The following ITGA4 variants were observed in gnomAD, a reference collection of about 807,000 sequenced individuals.
ITGA4 encodes integrin alpha-4.
A neutral mutation model predicts 133.6 loss-of-function variants in ITGA4; 63 were observed. The observed-to-expected ratio is 0.47, with a 90% CI of 0.38 to 0.58. The LOEUF (loss-of-function observed/expected upper bound fraction) is 0.58. Among genes scored for constraint, ITGA4 ranks in the 20% least tolerant of loss-of-function variants. ITGA4 has a pLI of 0.00. For synonymous variants in ITGA4, 483 were observed against 438.0 expected, an observed-to-expected ratio of 1.10 and a Z score of -1.28; for missense variants, 1,076 against 1,252.7, an observed-to-expected ratio of 0.86 and a Z score of 2.13.
chr2:181,498,140 A>G (rs1006094481), intron 14 of ITGA4: 1 of 149,494 alleles, frequency 6.7e-6, no homozygotes, highest in African/African-American at 2.4e-5. Context: ...CTTCATGTAT[A>G]AAAAAAAGCC....
At chr2:181,510,289 T>C (rs969875232) in intron 16 of ITGA4, among the ~76,000 whole-genome samples, 3 of 152,144 alleles carry the variant, frequency 2.0e-5, no homozygotes, top group Admixed American at 6.6e-5. Context: ...AATAATTTCT[T>C]TTTAAAAATT....
rs758311169 is a variant in ITGA4 at position 181,523,389 on chromosome 2, T to A, written c.2074-48T>A. ...CCATCCTTAAACATATGTTACAAACTTTTTATTTCCTTCCTGTCCAAAACA... is the reference window on the plus strand; with the variant it reads ...CCATCCTTAAACATATGTTACAAACATTTTATTTCCTTCCTGTCCAAAACA... On this transcript the variant is annotated intron_variant, in intron 18 of 27. Transcript: ENST00000397033. The surrounding 1 kb of genome is among the most constrained non-coding windows in gnomAD (Gnocchi z 4.2). 2.6e-6 allele frequency: 3 copies of A among 1,143,596 alleles called. No homozygotes were observed. The highest frequency in any genetic ancestry group is 3.5e-5 in the Admixed American group (2 of 57,924). 70.8% of individuals were successfully genotyped at this position (1,143,596 alleles called of 1,614,324 possible).
intron 25 of ITGA4, among the ~76,000 whole-genome samples, chr2:181,533,233 T>C (rs977758509): frequency 3.3e-5 from 5 of 152,144 alleles, no homozygotes; most frequent in Non-Finnish European, 7.4e-5. Context: ...TCATGGAACA[T>C]AGGAAGCCAA....
chr2:181,480,906 T>C (rs1008145166), intron 6 of ITGA4, among the ~76,000 whole-genome samples: 1 of 152,186 alleles, frequency 6.6e-6, no homozygotes, highest in African/African-American at 2.4e-5. Flanking sequence ...CAAACTTTTC[T>C]GGCATTAATG....
Position 181,502,977 on chromosome 2 carries a change from G to A in ITGA4, c.1695+4200G>A, listed in dbSNP as rs138594335. ...AGTTGTGAAGTTGAAGCAGGCTAAG[G>A]AGGGGAGGGGGCACACCAAGACGGT... On this transcript the variant is annotated intron_variant, in intron 15 of 27. Coordinates refer to ENST00000397033, the MANE Select transcript of ITGA4 (RefSeq NM_000885.6). Among the ~76,000 whole-genome samples the A allele has an allele frequency of 8.9e-3, 1,351 of 152,138 alleles. 11 individuals are homozygous for A. Among genetic ancestry groups the A allele is most frequent in the South Asian group, 0.018 (88 of 4,820 alleles).
chr2:181,458,485 T>A, intron 2 of ITGA4, 168 bp downstream of exon 2: 1 of 708,650 alleles, frequency 1.4e-6, no homozygotes, highest in Admixed American at 2.7e-5. Context: ...ATAAAAGGGA[T>A]TCCCTTTCTG....
At chr2:181,494,577 G>T in intron 11 of ITGA4, 145 bp from the exon 12 acceptor site, 1 of 611,580 alleles carries the variant, frequency 1.6e-6, no homozygotes, top group Non-Finnish European at 2.9e-6. Context: ...GTCACCCTTA[G>T]AAGTATTTGA....
intron 10 of ITGA4, among the ~76,000 whole-genome samples, chr2:181,489,374 A>G (rs1001377146): frequency 7.0e-5 from 4 of 57,338 alleles, no homozygotes; most frequent in Admixed American, 4.6e-4. Flanking sequence ...ATTTAGTGTA[A>G]AACTCATCAA....
intron 7 of ITGA4, 73 bp from the exon 8 acceptor site, chr2:181,482,287 A>G: frequency 7.2e-7 from 1 of 1,396,724 alleles, no homozygotes; most frequent in East Asian, 2.4e-5. Context: ...TCATGTTTTG[A>G]TCAAACAGAA....
chr2:181,480,279 T>A lies in ITGA4; in HGVS notation c.754+13T>A. 1.5e-6 allele frequency: 2 copies of A among 1,344,832 alleles called. No homozygotes were observed. The highest frequency in any genetic ancestry group is 2.0e-6 in the Non-Finnish European group (2 of 994,046). The allele number at this position is 1,344,832 out of a possible 1,614,324, so 83.3% of individuals were successfully genotyped here. ...GGAAGTTATTTAGGTACTATAAAAA[T>A]TGACAAACTTAAATGATCTGTGCCT... On this transcript the variant is annotated intron_variant, in intron 6 of 27. Transcript: ENST00000397033.
intron 2 of ITGA4, chr2:181,459,402 A>T (rs1685212092): frequency 6.6e-6 from 1 of 152,172 alleles, no homozygotes; most frequent in African/African-American, 2.4e-5. Flanking sequence ...CTTTGCTATA[A>T]ATGGACTTTT....
rs757949168 is a variant in ITGA4, at chr2:181,509,742, G to C, written c.1780G>C (p.Glu594Gln). The change falls in exon 16 of 28, where the codon GAG becomes CAG. Residue 594 changes from glutamate to glutamine, a missense_variant. By Grantham distance (29) the Glu-to-Gln change is conservative (BLOSUM62 2). This residue lies in a region of ITGA4 where 365 missense variants were observed against 421.4 expected (regional missense o/e 0.87). Coordinates refer to ENST00000397033, the MANE Select transcript of ITGA4 (RefSeq NM_000885.6). ...TCATGTCATCAGTAAACGAAGTACA[G>C]AGGAATTCCCACCACTTCAGCCAAT... is the stretch of plus-strand genomic sequence containing the variant. ...GPHVISKRST[E>Q]EFPPLQPILQ... is the part of the protein sequence containing the mutation. The C allele has an allele frequency of 9.4e-5, 151 of 1,611,696 alleles. No homozygotes were observed. Among genetic ancestry groups the C allele is most frequent in the Non-Finnish European group, 2.5e-6 (3 of 1,178,650 alleles).
chr2:181,494,500 C>T (rs940728518), intron 11 of ITGA4, among the ~76,000 whole-genome samples: 2 of 152,164 alleles, frequency 1.3e-5, no homozygotes. Context: ...ATAATTTTCC[C>T]TTTGCTCGCA....
At chr2:181,494,686 A>C in intron 11 of ITGA4, 36 bp from the exon 12 acceptor site, 1 of 1,133,628 alleles carries the variant, frequency 8.8e-7, no homozygotes, top group Middle Eastern at 2.0e-4. Context: ...ATTAGTATTC[A>C]AAAACTACTT....
intron 11 of ITGA4, among the ~76,000 whole-genome samples, chr2:181,494,141 A>G (rs1686112663): frequency 6.6e-6 from 1 of 152,232 alleles, no homozygotes; most frequent in Non-Finnish European, 1.5e-5. Flanking sequence ...TGAACATGAA[A>G]TTAGATATGT....
At chr2:181,507,652 T>C (rs1045819346) in intron 15 of ITGA4, among the ~76,000 whole-genome samples, 16 of 152,124 alleles carry the variant, frequency 1.1e-4, no homozygotes, top group African/African-American at 3.6e-4. Flanking sequence ...TTAACCTTTG[T>C]AAATCCTCTC....
chr2:181,478,107 GAAAT>G (rs902799868), intron 4 of ITGA4, among the ~76,000 whole-genome samples: 3 of 152,054 alleles, frequency 2.0e-5, no homozygotes, highest in Non-Finnish European at 4.4e-5. Context: ...TATTTTAAGT[GAAAT>G]AAGCTAGGCC....
rs1440420144 is a variant in ITGA4 at position 181,495,627 on chromosome 2, T to G, written c.1386-156T>G. Among the ~76,000 whole-genome samples, 1 of 152,206 alleles carries G rather than the reference T, an allele frequency of 6.6e-6. No individual in the cohort carries two copies. Among genetic ancestry groups the G allele is most frequent in the East Asian group, 1.9e-4 (1 of 5,200 alleles). On this transcript the variant is annotated intron_variant, in intron 13 of 27. Coordinates refer to ENST00000397033, the MANE Select transcript of ITGA4 (RefSeq NM_000885.6). This position sits in a 1 kb window ranked among gnomAD's most constrained non-coding sequence, Gnocchi z 4.3. ...ATTTTTAGACATTTAAATAAAAAGT[T>G]ATTTTGCCCTGTGCACAGAAATGTA... is the stretch of plus-strand genomic sequence containing the variant.
chr2:181,497,144 C>T (rs184884182), intron 14 of ITGA4, among the ~76,000 whole-genome samples: 37 of 152,272 alleles, frequency 2.4e-4, no homozygotes, highest in African/African-American at 8.4e-4. Context: ...GTAACACAGA[C>T]AAGCTGAAGG....
Sources: allele counts gnomAD v4.1 joint callset (sites outside exome capture counted in the v4.1 genomes callset), GRCh38; gene constraint gnomAD v4.1.1; regional missense constraint gnomAD v4.1.1; non-coding constraint Gnocchi (gnomAD v3.1); transcripts MANE v1.5; gene names NCBI Gene and HGNC (gene_info 2026-07-23, HGNC 2026-07-21).